Variants in RP1 observed in about 807,000 individuals in gnomAD.
RP1 encodes oxygen-regulated protein 1.
Under a neutral mutation model 14.8 loss-of-function variants are expected in RP1, and 16 were observed. That is an observed-to-expected ratio of 1.08 (90% CI 0.73 to 1.65). The LOEUF (loss-of-function observed/expected upper bound fraction) is 1.65. Ranked by LOEUF, RP1 falls within the 40% of genes most tolerant of loss-of-function variation. RP1 has a pLI of 0.00. For missense variants in RP1, 2,631 were observed against 2,535.0 expected, an observed-to-expected ratio of 1.04 and a Z score of -0.81; for synonymous variants, 876 against 883.6, an observed-to-expected ratio of 0.99 and a Z score of 0.15.
rs192438506 is a variant in RP1, at chr8:54,850,481, G to A, written c.3836-2093G>A. 9.1e-4 allele frequency among the ~76,000 whole-genome samples: 139 copies of A among 152,274 alleles called. 2 individuals carry two copies. The Middle Eastern group carries it at 0.024, about 26-fold the overall frequency. On this transcript the variant is annotated intron_variant, in intron 25 of 28. Coordinates refer to the RP1 transcript ENST00000637698. ...GCCTTGTACTTTTTTACAATAGAAT[G>A]AATATTTGTTAGCTAGGGCATATGG... is the stretch of plus-strand genomic sequence containing the variant.
chr8:54,823,752 T>A (rs1811314760), intron 24 of RP1, among the ~76,000 whole-genome samples: 1 of 152,218 alleles, frequency 6.6e-6, no homozygotes, highest in African/African-American at 2.4e-5. Context: ...TAAATAAAGA[T>A]GCTAAAATAA....
chr8:54,869,851 A>G (rs1056098404), exon 29 of RP1: 2 of 1,228,090 alleles, frequency 1.6e-6, no homozygotes, highest in Non-Finnish European at 2.0e-6. Context: ...AGATGGCTAG[A>G]TGAGTACCAA....
At chr8:54,760,176 TG>T (rs924154359) in intron 22 of RP1, among the ~76,000 whole-genome samples, 16 of 152,244 alleles carry the variant, frequency 1.1e-4, no homozygotes, top group African/African-American at 3.9e-4. Context: ...TCGTCTTTTT[TG>T]CCTTTTAGTC....
chr8:54,828,844 CTTCTTCTTCTTCTTCTTTCTTCT>C, intron 24 of RP1, among the ~76,000 whole-genome samples: 7 of 80,930 alleles, frequency 8.6e-5, no homozygotes, highest in African/African-American at 2.7e-4. Context: ...CCATTATAAT[CTTCTTCTTCTTCTTCTTTCTTCT>C]TTCTTCTTCT....
intron 24 of RP1, among the ~76,000 whole-genome samples, chr8:54,806,184 A>G (rs567533855): frequency 3.9e-5 from 6 of 151,988 alleles, no homozygotes; most frequent in African/African-American, 1.2e-4. Context: ...ATGCCCAGCT[A>G]ATTTTTGTAT....
intron 24 of RP1, among the ~76,000 whole-genome samples, chr8:54,818,165 G>A (rs1811178182): frequency 2.0e-5 from 3 of 152,240 alleles, no homozygotes; most frequent in Admixed American, 6.5e-5. Flanking sequence ...GCCTTGGCTA[G>A]GTATGAATTT....
At chr8:54,863,805 C>G (rs569422825) in intron 27 of RP1, among the ~76,000 whole-genome samples, 53 of 152,332 alleles carry the variant, frequency 3.5e-4, no homozygotes, top group African/African-American at 1.3e-3. Flanking sequence ...TTGCTGCCAG[C>G]TTTTTAGTCT....
intron 1 of RP1, among the ~76,000 whole-genome samples, chr8:54,609,203 C>T (rs1254038630): frequency 6.6e-6 from 1 of 151,974 alleles, no homozygotes; most frequent in Non-Finnish European, 1.5e-5. Context: ...TGCTTGGTGT[C>T]ATTTTACATT....
intron 1 of RP1, among the ~76,000 whole-genome samples, chr8:54,584,101 A>G (rs1233619209): frequency 6.6e-6 from 1 of 151,994 alleles, no homozygotes; most frequent in Non-Finnish European, 1.5e-5. Context: ...TTAGGGTGTC[A>G]ATTTTAGATC....
intron 24 of RP1, among the ~76,000 whole-genome samples, chr8:54,813,590 C>T (rs929887812): frequency 9.2e-5 from 14 of 152,154 alleles, no homozygotes; most frequent in Non-Finnish European, 8.8e-5. Context: ...TCATTATTTT[C>T]TTTTGCAAAC....
intron 17 of RP1, among the ~76,000 whole-genome samples, chr8:54,729,829 T>G (rs1808749444): frequency 6.6e-6 from 1 of 152,114 alleles, no homozygotes; most frequent in Admixed American, 6.6e-5. Flanking sequence ...TTGTAATGGA[T>G]GCTCATCTAT....
intron 1 of RP1, among the ~76,000 whole-genome samples, chr8:54,586,702 C>T (rs2129299143): frequency 6.6e-6 from 1 of 152,308 alleles, no homozygotes; most frequent in Non-Finnish European, 1.5e-5. Context: ...TGGTTGGCGC[C>T]CCTCCCCCAG....
intron 19 of RP1, among the ~76,000 whole-genome samples, chr8:54,749,258 G>A (rs1472340367): frequency 6.6e-6 from 1 of 151,934 alleles, no homozygotes; most frequent in East Asian, 1.9e-4. Context: ...GTGAACATGG[G>A]AGGCGGAGTT....
intron 12 of RP1, chr8:54,696,266 A>G: frequency 3.0e-6 from 1 of 328,082 alleles, no homozygotes; most frequent in Non-Finnish European, 5.5e-6. Context: ...AACTACCATA[A>G]TCCTCCTTCA....
intron 24 of RP1, among the ~76,000 whole-genome samples, chr8:54,783,888 C>T (rs1028095569): frequency 2.6e-5 from 4 of 152,048 alleles, no homozygotes; most frequent in Admixed American, 2.0e-4. Context: ...ACAACAGGGA[C>T]GTAGGATTTT....
At chr8:54,755,527 T>C in intron 20 of RP1, 1 of 1,251,878 alleles carries the variant, frequency 8.0e-7, no homozygotes, top group Non-Finnish European at 1.1e-6. Flanking sequence ...CTTTTTTTAC[T>C]ATAGCCTGAA....
intron 11 of RP1, chr8:54,679,795 T>G: frequency 6.5e-7 from 1 of 1,534,700 alleles, no homozygotes; most frequent in South Asian, 1.2e-5. Context: ...GCTTTGTTTT[T>G]CTTTTTAGTG....
chr8:54,621,525 C>G lies in RP1; in HGVS notation c.559C>G (p.Leu187Val), dbSNP rs1194758104. The part of the protein sequence containing the change: ...TQSFEAFLQH[L>V]TEVMQRPVVK... The stretch of plus-strand genomic sequence containing the variant: ...GAGCTTCGAGGCATTTCTACAGCAC[C>G]TGACAGAGGTCATGCAGCGCCCTGT... Residue 187 changes from leucine to valine, a missense_variant, in exon 2 of 4, where the codon CTG becomes GTG. By Grantham distance (32) the Leu-to-Val change is conservative. Transcript: ENST00000220676. The G allele has an allele frequency of 6.2e-7, 1 of 1,614,168 alleles. No homozygotes were observed. Among genetic ancestry groups the G allele is most frequent in the Non-Finnish European group, 8.5e-7 (1 of 1,180,032 alleles).
chr8:54,768,897 CTTTTT>C (rs138672609), intron 22 of RP1, among the ~76,000 whole-genome samples: 2 of 138,648 alleles, frequency 1.4e-5, no homozygotes, highest in Admixed American at 7.2e-5. Flanking sequence ...TGGTTATATT[CTTTTT>C]TTTTTTTTTT....
Sources: gnomAD v4.1 joint callset for allele counts (sites outside exome capture counted in the v4.1 genomes callset) on GRCh38, gnomAD v4.1.1 for gene constraint, MANE v1.5 for transcripts, NCBI Gene and HGNC (gene_info 2026-07-23, HGNC 2026-07-21) for gene names.